The following CAMTA1 variants were observed in gnomAD, a reference collection of about 807,000 sequenced individuals.
CAMTA1 encodes calmodulin binding transcription activator 1.
A neutral mutation model predicts 170.9 loss-of-function variants in CAMTA1; 27 were observed. That is an observed-to-expected ratio of 0.16 (90% CI 0.12 to 0.22). CAMTA1 has a LOEUF of 0.22. Among genes scored for constraint, CAMTA1 ranks in the 10% least tolerant of loss-of-function variants. CAMTA1 has a pLI of 1.00. For missense variants in CAMTA1, 1,619 were observed against 2,217.2 expected, an observed-to-expected ratio of 0.73 and a Z score of 5.42; for synonymous variants, 833 against 891.5, an observed-to-expected ratio of 0.93 and a Z score of 1.17.
intron 1 of CAMTA1, among the ~76,000 whole-genome samples, chr1:6,811,918 G>A (rs920188001): frequency 2.0e-5 from 3 of 152,160 alleles, no homozygotes; most frequent in African/African-American, 4.8e-5. Flanking sequence ...AGTTCTTTGG[G>A]CAGTAGCAAG....
chr1:7,491,068 T>G (rs1164739171), intron 6 of CAMTA1, among the ~76,000 whole-genome samples: 1 of 152,226 alleles, frequency 6.6e-6, no homozygotes, highest in Non-Finnish European at 1.5e-5. Flanking sequence ...ATGAAACTCC[T>G]TCTGTTCCCT....
intron 5 of CAMTA1, among the ~76,000 whole-genome samples, chr1:7,391,625 T>C (rs554316036): frequency 6.6e-6 from 1 of 152,178 alleles, no homozygotes; most frequent in Non-Finnish European, 1.5e-5. Context: ...AGATGGTTTC[T>C]ATCAGCTCAA....
intron 3 of CAMTA1, among the ~76,000 whole-genome samples, chr1:6,998,813 A>T (rs1252057308): frequency 1.3e-5 from 2 of 152,138 alleles, no homozygotes; most frequent in South Asian, 2.1e-4. Context: ...TCATAAAGCT[A>T]CCTTTTATTG....
chr1:6,802,173 G>A (rs907262357), intron 1 of CAMTA1, among the ~76,000 whole-genome samples: 5 of 152,194 alleles, frequency 3.3e-5, no homozygotes, highest in African/African-American at 1.2e-4. Flanking sequence ...AGAGTCTGGA[G>A]TACATGTCTT....
chr1:6,883,577 TGTG>T (rs1557760247), intron 3 of CAMTA1, among the ~76,000 whole-genome samples: 2 of 151,940 alleles, frequency 1.3e-5, no homozygotes, highest in East Asian at 3.9e-4. Context: ...GGATAGACCA[TGTG>T]GTCTAAGCCA....
chr1:7,273,753 T>C (rs1299853949), intron 5 of CAMTA1, among the ~76,000 whole-genome samples: 1 of 152,154 alleles, frequency 6.6e-6, no homozygotes, highest in Non-Finnish European at 1.5e-5. Flanking sequence ...CTCAAAAATA[T>C]GTTTAAAATA....
At chr1:7,564,658 G>A (rs1037348484) in intron 6 of CAMTA1, among the ~76,000 whole-genome samples, 2 of 152,082 alleles carry the variant, frequency 1.3e-5, no homozygotes, top group Admixed American at 6.6e-5. Context: ...GTGTGCGTGT[G>A]ACCCCCAGAC....
chr1:6,824,512 T>C (rs1325214819), intron 2 of CAMTA1, among the ~76,000 whole-genome samples: 1 of 152,170 alleles, frequency 6.6e-6, no homozygotes, highest in Non-Finnish European at 1.5e-5. Flanking sequence ...TTAATTAAAA[T>C]GATGATTTTA....
chr1:7,124,407 T>C (rs1644816343), intron 4 of CAMTA1, among the ~76,000 whole-genome samples: 1 of 152,214 alleles, frequency 6.6e-6, no homozygotes, highest in African/African-American at 2.4e-5. Context: ...CTGGATCAAA[T>C]GTTACCTCCT....
chr1:7,080,508 G>A (rs1639865622), intron 3 of CAMTA1, among the ~76,000 whole-genome samples: 1 of 152,112 alleles, frequency 6.6e-6, no homozygotes, highest in South Asian at 2.1e-4. Flanking sequence ...CAGTGAGATT[G>A]TAAACATCTT....
intron 5 of CAMTA1, among the ~76,000 whole-genome samples, chr1:7,353,789 T>C (rs1450441443): frequency 1.3e-5 from 2 of 152,180 alleles, no homozygotes; most frequent in African/African-American, 2.4e-5. Context: ...CAGGGGTACA[T>C]GTGCAGGTTT....
At position 7,091,250 on chromosome 1, in the gene CAMTA1, C is replaced by T. The variant is rs970863807; in HGVS notation, c.235-54C>T. The T allele has an allele frequency of 1.1e-5, 15 of 1,338,296 alleles. No individual in the cohort carries two copies. In the African/African-American group the frequency reaches 1.9e-4, roughly 17 times the overall value. The allele number at this position is 1,338,296 out of a possible 1,614,324, so 82.9% of individuals were successfully genotyped here. A position where few individuals can be genotyped will look rare whatever the true frequency, so the allele number is the denominator to read the frequency against. ...AAACAGCAAAAACTTTCTTACCTCT[C>T]AGGATCCAATGTGAGCTAATTGTTG... On this transcript the variant is annotated intron_variant, in intron 3 of 22. Coordinates refer to ENST00000303635, the MANE Select transcript of CAMTA1 (RefSeq NM_015215.4).
intron 6 of CAMTA1, among the ~76,000 whole-genome samples, chr1:7,470,562 G>A (rs1322854678): frequency 6.6e-6 from 1 of 152,192 alleles, no homozygotes; most frequent in Non-Finnish European, 1.5e-5. Context: ...CCCCGAGCCA[G>A]CCTGGTCCTC....
chr1:7,665,210 G>A lies in CAMTA1; in HGVS notation c.2652+11G>A, dbSNP rs766921034. ...TGGTCTTACCCAGAGGTAAGCTGCC[G>A]CCGCTGCCACCACCTGTCACCTCCC... On this transcript the variant is annotated intron_variant, in intron 9 of 22. Coordinates refer to ENST00000303635, the MANE Select transcript of CAMTA1 (RefSeq NM_015215.4). The surrounding 1 kb of genome is among the most constrained non-coding windows in gnomAD (Gnocchi z 4.3). 2.0e-5 allele frequency: 29 copies of A among 1,428,856 alleles called. No homozygotes were observed. Among genetic ancestry groups the A allele is most frequent in the African/African-American group, 8.6e-5 (6 of 69,840 alleles). The allele number at this position is 1,428,856 out of a possible 1,614,324, so 88.5% of individuals were successfully genotyped here.
intron 3 of CAMTA1, among the ~76,000 whole-genome samples, chr1:6,945,484 G>A (rs1687416175): frequency 6.6e-6 from 1 of 152,082 alleles, no homozygotes; most frequent in Non-Finnish European, 1.5e-5. Flanking sequence ...AAGTAGCTGG[G>A]ACCACAGGTG....
chr1:7,701,696 C>G (rs1049151643), intron 11 of CAMTA1, among the ~76,000 whole-genome samples: 2 of 152,226 alleles, frequency 1.3e-5, no homozygotes, highest in Non-Finnish European at 2.9e-5. Flanking sequence ...ACTGGGATTA[C>G]AGGTGTGAGC....
chr1:7,564,731 C>T (rs1230920869), intron 6 of CAMTA1, among the ~76,000 whole-genome samples: 2 of 151,940 alleles, frequency 1.3e-5, no homozygotes, highest in Non-Finnish European at 2.9e-5. Context: ...GGAGTGAGGG[C>T]TCAGGGACTG....
At chr1:7,648,446 A>G (rs2095824887) in intron 7 of CAMTA1, among the ~76,000 whole-genome samples, 1 of 151,620 alleles carries the variant, frequency 6.6e-6, no homozygotes, top group Admixed American at 6.6e-5. Flanking sequence ...CTTTTCCCCC[A>G]TGGAGCTACA....
At chr1:7,487,755 T>C (rs1269272258) in intron 6 of CAMTA1, among the ~76,000 whole-genome samples, 1 of 152,216 alleles carries the variant, frequency 6.6e-6, no homozygotes, top group Non-Finnish European at 1.5e-5. Flanking sequence ...GGCTGCACTT[T>C]CCAGAGCATT....
Sources: allele counts gnomAD v4.1 joint callset (sites outside exome capture counted in the v4.1 genomes callset), GRCh38; gene constraint gnomAD v4.1.1; non-coding constraint Gnocchi (gnomAD v3.1); transcripts MANE v1.5; gene names NCBI Gene and HGNC (gene_info 2026-07-23, HGNC 2026-07-21).